SVEP1: variants seen among roughly 807,000 people sequenced by gnomAD.
SVEP1 encodes the protein sushi, von Willebrand factor type A, EGF and pentraxin domain containing 1.
Under a neutral mutation model 367.3 loss-of-function variants are expected in SVEP1, and 164 were observed. The observed-to-expected ratio is 0.45, with a 90% CI of 0.39 to 0.51. SVEP1 has a LOEUF of 0.51. SVEP1 is among the 20% of genes least tolerant of loss of function. SVEP1 has a pLI of 0.00. For synonymous variants in SVEP1, 1,666 were observed against 1,611.6 expected, an observed-to-expected ratio of 1.03 and a Z score of -0.81; for missense variants, 4,117 against 4,425.3, an observed-to-expected ratio of 0.93 and a Z score of 1.98.
At chr9:110,494,393 A>G (rs1373520178) in intron 8 of SVEP1, among the ~76,000 whole-genome samples, 1 of 152,174 alleles carries the variant, frequency 6.6e-6, no homozygotes, top group Non-Finnish European at 1.5e-5. Context: ...TTTAGACAGC[A>G]AGACTCTTCT....
intron 40 of SVEP1, among the ~76,000 whole-genome samples, chr9:110,395,921 A>G (rs1024512133): frequency 6.3e-4 from 95 of 151,662 alleles, no homozygotes; most frequent in African/African-American, 2.2e-3. Context: ...TTAACACCCC[A>G]CTGTCAACAT....
chr9:110,498,146 T>C (rs975249259), intron 7 of SVEP1, among the ~76,000 whole-genome samples: 9 of 152,262 alleles, frequency 5.9e-5, no homozygotes, highest in Non-Finnish European at 8.8e-5. Flanking sequence ...TTGTTTCTTT[T>C]GTGCAATTTC....
intron 3 of SVEP1, among the ~76,000 whole-genome samples, chr9:110,536,579 C>T (rs192139181): frequency 6.6e-6 from 1 of 151,940 alleles, no homozygotes; most frequent in South Asian, 2.1e-4. Flanking sequence ...CTTCTCACCC[C>T]TTCAAATTTT....
intron 22 of SVEP1, among the ~76,000 whole-genome samples, chr9:110,454,749 C>A (rs1828751071): frequency 6.6e-6 from 1 of 151,994 alleles, no homozygotes; most frequent in Non-Finnish European, 1.5e-5. Context: ...AAAATGGGAG[C>A]TAAACATTGA....
intron 17 of SVEP1, among the ~76,000 whole-genome samples, chr9:110,466,740 G>A (rs1394012504): frequency 1.7e-5 from 1 of 59,402 alleles, no homozygotes; most frequent in African/African-American, 7.5e-5. Flanking sequence ...CAGCCTGGGC[G>A]ACAGAGCGAG....
chr9:110,508,868 G>C (rs1829667898), intron 5 of SVEP1, among the ~76,000 whole-genome samples: 1 of 151,178 alleles, frequency 6.6e-6, no homozygotes, highest in Admixed American at 6.6e-5. Flanking sequence ...TGAGAATCAA[G>C]TTTACCAATT....
Position 110,579,450 on chromosome 9 carries a change from A to C in SVEP1, c.94T>G (p.Phe32Val). 3 of 1,598,656 alleles carry C rather than the reference A, an allele frequency of 1.9e-6. No individual in the cohort carries two copies. The highest frequency in any genetic ancestry group is 2.6e-6 in the Non-Finnish European group (3 of 1,173,686). Residue 32 changes from phenylalanine to valine, a missense_variant, in exon 1 of 48, where the codon TTC (phenylalanine) becomes GTC (valine). Transcript: ENST00000374469. The surrounding 1 kb of genome is among the most constrained non-coding windows in gnomAD (Gnocchi z 5.3). The part of the protein sequence containing the change: ...QQMSPSRNFS[F>V]RLFPETAPGA... Reference sequence around the variant, plus strand: ...GGCGCGGTCTCGGGGAAGAGGCGGAAGCTGAAATTGCGCGACGGGGACATC... The same window carrying C: ...GGCGCGGTCTCGGGGAAGAGGCGGACGCTGAAATTGCGCGACGGGGACATC...
chr9:110,513,162 T>A, intron 4 of SVEP1, 57 bp from the exon 5 acceptor site: 1 of 1,477,156 alleles, frequency 6.8e-7, no homozygotes, highest in Non-Finnish European at 9.1e-7. Context: ...CTATGACATA[T>A]CCTTTTTTTT....
intron 36 of SVEP1, among the ~76,000 whole-genome samples, chr9:110,412,220 C>T (rs1828055099): frequency 6.6e-6 from 1 of 152,160 alleles, no homozygotes; most frequent in Admixed American, 6.5e-5. Context: ...TTGATTTTGG[C>T]ATTTGTCTTT....
chr9:110,437,938 A>G (rs1293038702), intron 27 of SVEP1, among the ~76,000 whole-genome samples: 1 of 152,102 alleles, frequency 6.6e-6, no homozygotes, highest in Non-Finnish European at 1.5e-5. Context: ...TAATACATGC[A>G]CAGAAGAAAA....
chr9:110,376,919 T>G, intron 45 of SVEP1: 1 of 174,914 alleles, frequency 5.7e-6, no homozygotes, highest in Non-Finnish European at 1.2e-5. Flanking sequence ...TGGTGCACGT[T>G]TATACCAACT....
intron 3 of SVEP1, among the ~76,000 whole-genome samples, chr9:110,542,453 A>C (rs756295329): frequency 1.7e-4 from 26 of 152,216 alleles, no homozygotes; most frequent in Non-Finnish European, 3.7e-4. Flanking sequence ...CCAACTATTC[A>C]GAATGAAATT....
At chr9:110,395,350 A>G (rs1458538864) in intron 40 of SVEP1, among the ~76,000 whole-genome samples, 2 of 152,208 alleles carry the variant, frequency 1.3e-5, no homozygotes, top group African/African-American at 4.8e-5. Flanking sequence ...CTCCTGAAGG[A>G]AGCACTAAAC....
chr9:110,551,719 T>C (rs1237447018), intron 1 of SVEP1, among the ~76,000 whole-genome samples: 2 of 152,022 alleles, frequency 1.3e-5, no homozygotes, highest in Non-Finnish European at 2.9e-5. Flanking sequence ...GACAGGAAGA[T>C]TTGGAATGAA....
intron 3 of SVEP1, 130 bp from the exon 4 acceptor site, chr9:110,514,236 G>C: frequency 8.1e-7 from 1 of 1,241,878 alleles, no homozygotes; most frequent in African/African-American, 1.5e-5. Flanking sequence ...TGTAGGCTGG[G>C]TGTGGTGGCT....
At chr9:110,427,320 A>G (rs1828269112) in intron 36 of SVEP1, among the ~76,000 whole-genome samples, 1 of 151,826 alleles carries the variant, frequency 6.6e-6, no homozygotes. Flanking sequence ...AAAAAAAAAA[A>G]AAAAAGTATA....
chr9:110,490,535 T>C (rs1047252905), intron 8 of SVEP1, among the ~76,000 whole-genome samples: 2 of 152,130 alleles, frequency 1.3e-5, no homozygotes, highest in Admixed American at 6.5e-5. Context: ...TCTATCTTAA[T>C]GAGATCTACT....
chr9:110,577,362 A>G (rs145626107), intron 1 of SVEP1, among the ~76,000 whole-genome samples: 50 of 152,256 alleles, frequency 3.3e-4, no homozygotes, highest in African/African-American at 1.2e-3. Context: ...CATGATAAAC[A>G]TGACATTCAA....
At chr9:110,522,485 G>A (rs1829887797) in intron 3 of SVEP1, among the ~76,000 whole-genome samples, 1 of 152,308 alleles carries the variant, frequency 6.6e-6, no homozygotes, top group Non-Finnish European at 1.5e-5. Flanking sequence ...GATCAGCAAA[G>A]AGGCACTCAA....
Sources: allele counts gnomAD v4.1 joint callset (sites outside exome capture counted in the v4.1 genomes callset), GRCh38; gene constraint gnomAD v4.1.1; non-coding constraint Gnocchi (gnomAD v3.1); transcripts MANE v1.5; gene names NCBI Gene and HGNC (gene_info 2026-07-23, HGNC 2026-07-21).